GJB7: variants seen among roughly 807,000 people sequenced by gnomAD.
GJB7 encodes the protein gap junction beta-7 protein.
For synonymous variants in GJB7, 87 were observed against 95.2 expected (o/e 0.91, Z 0.50); for missense variants, 253 against 256.8 (o/e 0.99, Z 0.10).
At chr6:87,299,670 C>A in intron 2 of GJB7, 1 of 177,414 alleles carries the variant, frequency 5.6e-6, no homozygotes, top group Non-Finnish European at 1.2e-5. Context: ...ATTTTGGTGA[C>A]AACAGAAAGA....
At chr6:87,314,192 A>G (rs572772962) in intron 2 of GJB7, among the ~76,000 whole-genome samples, 2 of 152,326 alleles carry the variant, frequency 1.3e-5, no homozygotes, top group African/African-American at 4.8e-5. Flanking sequence ...GGGTAAATAT[A>G]AGGCCATTAG....
chr6:87,317,296 A>G (rs1309682126), intron 2 of GJB7, among the ~76,000 whole-genome samples: 2 of 152,070 alleles, frequency 1.3e-5, no homozygotes, highest in Non-Finnish European at 2.9e-5. Flanking sequence ...CCTGGGAGGC[A>G]GAGATTGCAG....
At chr6:87,311,210 T>C (rs1391653529) in intron 2 of GJB7, among the ~76,000 whole-genome samples, 1 of 152,212 alleles carries the variant, frequency 6.6e-6, no homozygotes, top group African/African-American at 2.4e-5. Context: ...GCTGGGAGTA[T>C]AAATTGGTGC....
At chr6:87,301,775 C>T (rs779464635) in intron 2 of GJB7, among the ~76,000 whole-genome samples, 32 of 152,340 alleles carry the variant, frequency 2.1e-4, no homozygotes, top group Admixed American at 1.3e-4. Context: ...TGGGAGGCAT[C>T]CCCCAGTAGG....
intron 2 of GJB7, among the ~76,000 whole-genome samples, chr6:87,313,982 C>T (rs1336619564): frequency 6.6e-6 from 1 of 152,164 alleles, no homozygotes; most frequent in Non-Finnish European, 1.5e-5. Context: ...ATGTTTTGGA[C>T]CAATTGACAA....
intron 2 of GJB7, among the ~76,000 whole-genome samples, chr6:87,304,759 C>G (rs1354056858): frequency 6.6e-6 from 1 of 152,106 alleles, no homozygotes; most frequent in Admixed American, 6.6e-5. Context: ...TGATGAACAT[C>G]AATGCAAAAA....
intron 1 of GJB7, among the ~76,000 whole-genome samples, chr6:87,327,169 G>A (rs568474257): frequency 0.032 from 4,705 of 148,964 alleles, 250 homozygotes; most frequent in African/African-American, 0.11. Context: ...GTCTCTGCAC[G>A]TGAGATGGGT....
intron 2 of GJB7, among the ~76,000 whole-genome samples, chr6:87,318,477 A>C (rs1419661007): frequency 1.3e-5 from 2 of 152,184 alleles, no homozygotes; most frequent in Admixed American, 6.5e-5. Flanking sequence ...CAAGGCTTGC[A>C]CACCTGTCTG....
At chr6:87,286,761 GT>G (rs897896755) in intron 2 of GJB7, among the ~76,000 whole-genome samples, 2 of 152,042 alleles carry the variant, frequency 1.3e-5, no homozygotes, top group Admixed American at 1.3e-4. Context: ...CTGAAAGGTG[GT>G]TTTTGTTTTT....
At chr6:87,311,955 T>C (rs911696894) in intron 2 of GJB7, among the ~76,000 whole-genome samples, 9 of 152,076 alleles carry the variant, frequency 5.9e-5, no homozygotes, top group African/African-American at 2.2e-4. Context: ...TGCATCAGTA[T>C]GAAGAATTGT....
intron 2 of GJB7, among the ~76,000 whole-genome samples, chr6:87,303,623 G>C (rs1364879161): frequency 6.6e-6 from 1 of 152,188 alleles, no homozygotes; most frequent in East Asian, 1.9e-4. Flanking sequence ...CAATGAGACA[G>C]AAAATTAACA....
chr6:87,285,787 C>G lies in GJB7; in HGVS notation c.-27-848G>C, dbSNP rs1776050606. ...CTTATCTTGTTGACAGTCTTTCTTC[C>G]TTTATTCCTCATTTCTACTTCCTCA... On this transcript the variant is annotated intron_variant, in intron 2 of 2. Coordinates refer to ENST00000525899, the MANE Select transcript of GJB7 (RefSeq NM_198568.3). Among the ~76,000 whole-genome samples the G allele has an allele frequency of 2.0e-5, 3 of 152,066 alleles. No homozygotes were observed. The South Asian group carries it at 6.2e-4, about 32-fold the overall frequency.
At chr6:87,327,679 C>T (rs1776862977) in intron 1 of GJB7, among the ~76,000 whole-genome samples, 2 of 149,698 alleles carry the variant, frequency 1.3e-5, no homozygotes, top group African/African-American at 4.9e-5. Context: ...TCTCTGGCTG[C>T]CCTTAACATT....
chr6:87,313,297 A>C (rs2127908484), intron 2 of GJB7, among the ~76,000 whole-genome samples: 1 of 152,316 alleles, frequency 6.6e-6, no homozygotes, highest in East Asian at 1.9e-4. Flanking sequence ...TGAACTTAAG[A>C]CTTTTCAGTT....
chr6:87,313,257 A>C (rs987344971), intron 2 of GJB7, among the ~76,000 whole-genome samples: 1 of 152,254 alleles, frequency 6.6e-6, no homozygotes, highest in Non-Finnish European at 1.5e-5. Flanking sequence ...AGACAAAAAT[A>C]AAAGAGAAGG....
chr6:87,287,088 A>T (rs1048656193), intron 2 of GJB7, among the ~76,000 whole-genome samples: 1 of 152,212 alleles, frequency 6.6e-6, no homozygotes, highest in Non-Finnish European at 1.5e-5. Context: ...ATGTCTCCAT[A>T]TATTTTCAAA....
At position 87,325,884 on chromosome 6, in the gene GJB7, G is replaced by T. The variant is rs9450656; in HGVS notation, c.-205-2841C>A. 6.2e-3 allele frequency among the ~76,000 whole-genome samples: 937 copies of T among 152,242 alleles called. 8 individuals are homozygous for T. Among genetic ancestry groups the T allele is most frequent in the African/African-American group, 0.018 (747 of 41,510 alleles). ...ACCTCTGTTAGAATTCGGCTGTGAA[G>T]CCATCTGCTCCTGGACTCTTTTTGG... On this transcript the variant is annotated intron_variant, in intron 1 of 2. Transcript: ENST00000525899.
intron 2 of GJB7, chr6:87,299,801 C>T (rs1348504586): frequency 5.9e-6 from 1 of 169,564 alleles, no homozygotes; most frequent in Non-Finnish European, 1.3e-5. Flanking sequence ...GTCATTTTGA[C>T]CAAATATGAT....
chr6:87,294,410 A>G (rs1446595191), intron 2 of GJB7, among the ~76,000 whole-genome samples: 2 of 152,224 alleles, frequency 1.3e-5, no homozygotes, highest in Non-Finnish European at 2.9e-5. Context: ...ATCGAGAAAG[A>G]CCACAGAGTT....
Sources: allele counts gnomAD v4.1 joint callset (sites outside exome capture counted in the v4.1 genomes callset), GRCh38; gene constraint gnomAD v4.1.1; transcripts MANE v1.5; gene names NCBI Gene and HGNC (gene_info 2026-07-23, HGNC 2026-07-21).